The following KCNN2 variants were observed in gnomAD, a reference collection of about 807,000 sequenced individuals.
KCNN2 encodes the protein small conductance calcium-activated potassium channel protein 2.
A neutral mutation model predicts 55.5 loss-of-function variants in KCNN2; 24 were observed. The observed-to-expected ratio is 0.43, with a 90% CI of 0.31 to 0.61. The LOEUF (loss-of-function observed/expected upper bound fraction) is 0.61. Ranked by LOEUF, KCNN2 falls within the 20% of genes least tolerant of loss-of-function variation. KCNN2 has a pLI of 0.08. For synonymous variants in KCNN2, 431 were observed against 336.1 expected (o/e 1.28, Z -3.09); for missense variants, 754 against 853.6 (o/e 0.88, Z 1.45).
chr5:114,421,503 C>T (rs1331068629), intron 3 of KCNN2, among the ~76,000 whole-genome samples: 1 of 150,720 alleles, frequency 6.6e-6, no homozygotes, highest in Admixed American at 6.6e-5. Context: ...GTCGGCCACG[C>T]TGGTCTCGAA....
intron 3 of KCNN2, among the ~76,000 whole-genome samples, chr5:114,431,129 C>G (rs541478122): frequency 2.2e-4 from 33 of 152,106 alleles, no homozygotes; most frequent in African/African-American, 7.7e-4. Context: ...CCCCCCATCC[C>G]GGCTTCTGTC....
intron 2 of KCNN2, chr5:114,253,755 C>G (rs1377883366): frequency 6.6e-6 from 1 of 152,196 alleles, no homozygotes; most frequent in Non-Finnish European, 1.5e-5. Context: ...ACATTATTGT[C>G]TCTTCTCATT....
intron 3 of KCNN2, among the ~76,000 whole-genome samples, chr5:114,443,014 C>T (rs1026831242): frequency 2.0e-4 from 31 of 152,076 alleles, no homozygotes; most frequent in African/African-American, 7.2e-4. Flanking sequence ...TGCTTAAGGC[C>T]GGGTGCAGTG....
chr5:114,062,778 T>C (rs760540476), intron 1 of KCNN2, among the ~76,000 whole-genome samples: 1 of 152,246 alleles, frequency 6.6e-6, no homozygotes, highest in Non-Finnish European at 1.5e-5. Flanking sequence ...CACATGTAGT[T>C]ATTAACATCC....
At chr5:114,196,608 C>T (rs536025042) in intron 1 of KCNN2, among the ~76,000 whole-genome samples, 6 of 151,930 alleles carry the variant, frequency 3.9e-5, no homozygotes, top group African/African-American at 1.4e-4. Context: ...GGAATTTGTT[C>T]ATTTCATCTA....
At chr5:114,399,184 A>G (rs151036252) in intron 2 of KCNN2, among the ~76,000 whole-genome samples, 3 of 152,284 alleles carry the variant, frequency 2.0e-5, no homozygotes, top group Non-Finnish European at 4.4e-5. Flanking sequence ...TGGGTTTGTC[A>G]TAGATTGCTC....
At chr5:114,187,803 GC>G (rs1268074899) in intron 1 of KCNN2, among the ~76,000 whole-genome samples, 1 of 150,406 alleles carries the variant, frequency 6.6e-6, no homozygotes, top group East Asian at 2.0e-4. Flanking sequence ...ACCATGCCCG[GC>G]CCCCTTTTTT....
chr5:114,227,975 C>A (rs1389688302), intron 2 of KCNN2, among the ~76,000 whole-genome samples: 4 of 151,336 alleles, frequency 2.6e-5, no homozygotes, highest in Non-Finnish European at 5.9e-5. Flanking sequence ...GTGTGCCAAA[C>A]AATGATTGAT....
At chr5:114,201,344 G>A (rs1753669923) in intron 1 of KCNN2, among the ~76,000 whole-genome samples, 1 of 152,112 alleles carries the variant, frequency 6.6e-6, no homozygotes, top group African/African-American at 2.4e-5. Context: ...GGCTGCAGCT[G>A]CCTCATCTCA....
At chr5:114,132,842 G>A (rs1469675861) in intron 1 of KCNN2, among the ~76,000 whole-genome samples, 3 of 152,110 alleles carry the variant, frequency 2.0e-5, no homozygotes, top group Non-Finnish European at 4.4e-5. Context: ...AGTACATTTT[G>A]CATCATGATT....
chr5:114,115,348 C>T (rs1039627282), intron 1 of KCNN2, among the ~76,000 whole-genome samples: 5 of 152,038 alleles, frequency 3.3e-5, no homozygotes, highest in African/African-American at 1.2e-4. Context: ...TTTACTGCTC[C>T]TCAGACCATA....
intron 3 of KCNN2, among the ~76,000 whole-genome samples, chr5:114,458,397 G>T (rs190562289): frequency 1.8e-4 from 28 of 152,198 alleles, no homozygotes; most frequent in Admixed American, 1.8e-3. Context: ...AACATAACAC[G>T]ACAAATCCAA....
At chr5:114,122,682 G>T (rs1036988543) in intron 1 of KCNN2, among the ~76,000 whole-genome samples, 1 of 152,100 alleles carries the variant, frequency 6.6e-6, no homozygotes, top group Non-Finnish European at 1.5e-5. Flanking sequence ...CTCAAAGCTG[G>T]AATTAATTCT....
At chr5:114,316,417 C>T (rs867431469) in intron 2 of KCNN2, among the ~76,000 whole-genome samples, 3 of 152,030 alleles carry the variant, frequency 2.0e-5, no homozygotes, top group South Asian at 2.1e-4. Context: ...ATTTTGAAAC[C>T]GCTAGACTAG....
chr5:114,279,890 A>G (rs1755585415), intron 2 of KCNN2, among the ~76,000 whole-genome samples: 1 of 152,204 alleles, frequency 6.6e-6, no homozygotes, highest in South Asian at 2.1e-4. Flanking sequence ...CTTCCACAAT[A>G]GTTGAACTAG....
intron 2 of KCNN2, among the ~76,000 whole-genome samples, chr5:114,243,497 C>CT (rs11370021): frequency 1 from 152,295 of 152,300 alleles, 76,145 homozygotes; most frequent in Non-Finnish European, 1. Flanking sequence ...CGTATCCACA[C>CT]ATCTATGCTA....
intron 1 of KCNN2, among the ~76,000 whole-genome samples, chr5:114,207,279 T>C (rs1753795851): frequency 2.0e-5 from 3 of 152,182 alleles, no homozygotes; most frequent in Non-Finnish European, 2.9e-5. Flanking sequence ...CTAGAGAAAA[T>C]AGGTTCCCAG....
intron 2 of KCNN2, among the ~76,000 whole-genome samples, chr5:114,275,914 T>A (rs1755478829): frequency 6.6e-6 from 1 of 152,160 alleles, no homozygotes; most frequent in African/African-American, 2.4e-5. Flanking sequence ...CTTTTAATTG[T>A]GAGGTTAGGG....
chr5:114,227,701 A>G (rs114446536), intron 2 of KCNN2, among the ~76,000 whole-genome samples: 2 of 152,322 alleles, frequency 1.3e-5, no homozygotes, highest in Admixed American at 1.3e-4. Flanking sequence ...GAAAAAAAGT[A>G]TGAAACCTAG....
Sources: allele counts gnomAD v4.1 joint callset (sites outside exome capture counted in the v4.1 genomes callset), GRCh38; gene constraint gnomAD v4.1.1; transcripts MANE v1.5; gene names NCBI Gene and HGNC (gene_info 2026-07-23, HGNC 2026-07-21).